The following GPR55 variants were observed in gnomAD, a reference collection of about 807,000 sequenced individuals.
GPR55 encodes G protein-coupled receptor 55, also known as G-protein coupled receptor 55.
A neutral mutation model predicts 7.9 loss-of-function variants in GPR55; 6 were observed. The observed-to-expected ratio is 0.76, with a 90% CI of 0.41 to 1.49. The LOEUF (loss-of-function observed/expected upper bound fraction) is 1.49. GPR55 is among the 40% of genes most tolerant of loss of function. GPR55 has a pLI of 0.01. For missense variants in GPR55, 376 were observed against 406.0 expected (o/e 0.93, Z 0.63); for synonymous variants, 183 against 166.8 (o/e 1.10, Z -0.75).
intron 1 of GPR55, among the ~76,000 whole-genome samples, chr2:230,915,632 G>T (rs902207469): frequency 6.6e-6 from 1 of 152,200 alleles, no homozygotes; most frequent in Non-Finnish European, 1.5e-5. Context: ...TCATGCAAAA[G>T]CTATGGAGAG....
In GPR55 at chr2:230,919,570, C is replaced by T. The variant is rs1690789637; in HGVS notation, c.-135+5598G>A. On this transcript the variant is annotated intron_variant, in intron 1 of 1. Transcript: ENST00000650999. The stretch of plus-strand genomic sequence containing the variant: ...TTCTGTGAAACCAGTCACCAATATG[C>T]TAGTAAGTGTACAAATTAGCACACC... 2.6e-5 allele frequency among the ~76,000 whole-genome samples: 4 copies of T among 152,126 alleles called. No individual in the cohort carries two copies. The South Asian group carries it at 8.3e-4, about 31-fold the overall frequency.
intron 1 of GPR55, among the ~76,000 whole-genome samples, chr2:230,914,276 C>A (rs909399447): frequency 5.3e-5 from 8 of 152,170 alleles, no homozygotes; most frequent in Non-Finnish European, 8.8e-5. Context: ...TTCATAGACA[C>A]AATTTGGCCA....
At chr2:230,927,640 G>C (rs973523896), upstream of GPR55, among the ~76,000 whole-genome samples, 2 of 152,258 alleles carry the variant, frequency 1.3e-5, no homozygotes, top group Admixed American at 1.3e-4. Context: ...CAGGCTGGGA[G>C]CCCCGAGTTG....
intron 1 of GPR55, among the ~76,000 whole-genome samples, chr2:230,945,231 G>T (rs969364449): frequency 7.9e-5 from 12 of 152,176 alleles, no homozygotes; most frequent in African/African-American, 2.9e-4. Flanking sequence ...CGTGGGTGGC[G>T]AGTGTGTGGT....
chr2:230,941,604 G>A (rs529851389), intron 1 of GPR55, among the ~76,000 whole-genome samples: 2 of 152,228 alleles, frequency 1.3e-5, no homozygotes, highest in East Asian at 3.9e-4. Context: ...AGCAGAGCTG[G>A]ACTGTGGCTG....
chr2:230,959,389 C>A (rs137953968), intron 1 of GPR55, among the ~76,000 whole-genome samples: 1 of 152,032 alleles, frequency 6.6e-6, no homozygotes, highest in Non-Finnish European at 1.5e-5. Flanking sequence ...GTCAAGGCTG[C>A]AGTGAGCTGT....
At chr2:230,928,632 C>T (rs1010490518), upstream of GPR55, 1 of 152,058 alleles carries the variant, frequency 6.6e-6, no homozygotes, top group African/African-American at 2.4e-5. Flanking sequence ...TGACTGAGGC[C>T]CCCATTCCTC....
chr2:230,938,057 G>GGAT (rs1210861756), intron 1 of GPR55, among the ~76,000 whole-genome samples: 5 of 150,094 alleles, frequency 3.3e-5, no homozygotes, highest in African/African-American at 1.2e-4. Context: ...CTACTTGGGC[G>GGAT]GATCACTTAA....
At chr2:230,928,776 G>A (rs1690985352), upstream of GPR55, among the ~76,000 whole-genome samples, 1 of 152,188 alleles carries the variant, frequency 6.6e-6, no homozygotes, top group South Asian at 2.1e-4. Context: ...AGCCCCAACA[G>A]AGAGAGGAAG....
intron 1 of GPR55, among the ~76,000 whole-genome samples, chr2:230,956,663 C>T (rs1378572084): frequency 6.6e-6 from 1 of 152,128 alleles, no homozygotes; most frequent in Non-Finnish European, 1.5e-5. Context: ...TAACCCAATA[C>T]CATGATCACA....
chr2:230,958,473 A>AT (rs58536362), intron 1 of GPR55, among the ~76,000 whole-genome samples: 24,277 of 152,022 alleles, frequency 0.16, 3,036 homozygotes, highest in East Asian at 0.41. Flanking sequence ...GTGCTATCAA[A>AT]AGTAGGTCTT....
rs1197873056 is a variant in GPR55, at chr2:230,923,600, T to TG, written c.-135+1567dup. 2.5e-5 allele frequency among the ~76,000 whole-genome samples: 3 copies of TG among 122,100 alleles called. No individual in the cohort carries two copies. Among genetic ancestry groups the TG allele is most frequent in the African/African-American group, 9.4e-5 (3 of 32,056 alleles). The allele number at this position is 122,100 out of a possible 152,430, so 80.1% of individuals were successfully genotyped here. ...GCCTGAATGTTGCTGGAGCTTGGGC[T>TG]GGGGGGTTGGAGTGGGGCTGGGAGA... On this transcript the variant is annotated intron_variant, in intron 1 of 1. Coordinates refer to ENST00000650999, the MANE Select transcript of GPR55 (RefSeq NM_005683.4). The surrounding 1 kb of genome is among the most constrained non-coding windows in gnomAD (Gnocchi z 4.1).
At chr2:230,920,841 C>CAG (rs1387224321) in intron 1 of GPR55, among the ~76,000 whole-genome samples, 4 of 135,284 alleles carry the variant, frequency 3.0e-5, no homozygotes, top group Non-Finnish European at 4.7e-5. Flanking sequence ...GGCAACCTCA[C>CAG]AGAGGTTTAT....
At chr2:230,927,711 C>A (rs946577062), upstream of GPR55, among the ~76,000 whole-genome samples, 8 of 152,226 alleles carry the variant, frequency 5.3e-5, no homozygotes, top group Non-Finnish European at 4.4e-5. Context: ...GCTTCAGGAA[C>A]CAGCTTCTTC....
chr2:230,916,904 T>C (rs971518012), intron 1 of GPR55, among the ~76,000 whole-genome samples: 1 of 152,188 alleles, frequency 6.6e-6, no homozygotes, highest in African/African-American at 2.4e-5. Context: ...AAAATTCAAC[T>C]TTTATTAATA....
At chr2:230,932,713 G>A (rs533866763) in intron 1 of GPR55, among the ~76,000 whole-genome samples, 11 of 152,216 alleles carry the variant, frequency 7.2e-5, no homozygotes, top group South Asian at 2.1e-4. Flanking sequence ...GTGTCTGGCC[G>A]TCATCCTAAA....
intron 1 of GPR55, among the ~76,000 whole-genome samples, chr2:230,954,572 A>G (rs1691453196): frequency 6.6e-6 from 1 of 152,234 alleles, no homozygotes; most frequent in South Asian, 2.1e-4. Flanking sequence ...ATCAGGGTAA[A>G]TGAGGTATCC....
chr2:230,944,145 C>T lies in GPR55; in HGVS notation c.-135+16630G>A, dbSNP rs575712043. Among the ~76,000 whole-genome samples, 8 of 152,322 alleles carry T rather than the reference C, an allele frequency of 5.3e-5. No individual in the cohort carries two copies. The South Asian group carries it at 1.5e-3, about 28-fold the overall frequency. On this transcript the variant is annotated intron_variant, in intron 1 of 1. Transcript: ENST00000392039. The surrounding 1 kb of genome is among the most constrained non-coding windows in gnomAD (Gnocchi z 4.2). ...ATTACACACACAACAGCATCTTGGT[C>T]CCAGATGCCGGGTCCCAGAGAGGAC...
chr2:230,946,570 C>T (rs767810799), intron 1 of GPR55, among the ~76,000 whole-genome samples: 12 of 152,006 alleles, frequency 7.9e-5, no homozygotes, highest in Non-Finnish European at 2.9e-5. Context: ...AGAGATGCAC[C>T]CTGTAGTATT....
Sources: gnomAD v4.1 joint callset for allele counts (sites outside exome capture counted in the v4.1 genomes callset) on GRCh38, gnomAD v4.1.1 for gene constraint, Gnocchi (gnomAD v3.1) non-coding constraint, MANE v1.5 for transcripts, NCBI Gene and HGNC (gene_info 2026-07-23, HGNC 2026-07-21) for gene names.